Variants in MRPL13 observed in about 807,000 individuals in gnomAD.
MRPL13 encodes the protein mitochondrial ribosomal protein L13.
A neutral mutation model predicts 29.0 loss-of-function variants in MRPL13; 33 were observed. That is an observed-to-expected ratio of 1.14 (90% CI 0.86 to 1.52). MRPL13 has a LOEUF of 1.52. Ranked by LOEUF, MRPL13 falls within the 40% of genes most tolerant of loss-of-function variation. The pLI, the probability that MRPL13 is intolerant of heterozygous loss-of-function variation, is 0.00. For synonymous variants in MRPL13, 77 were observed against 68.4 expected (o/e 1.13, Z -0.62); for missense variants, 227 against 216.7 (o/e 1.05, Z -0.30).
At chr8:120,423,225 T>C (rs753932530) in intron 4 of MRPL13, among the ~76,000 whole-genome samples, 1 of 151,740 alleles carries the variant, frequency 6.6e-6, no homozygotes, top group Non-Finnish European at 1.5e-5. Context: ...AAGAAATTAC[T>C]GAGAATGCCC....
At chr8:120,438,650 A>G (rs527899379) in intron 2 of MRPL13, among the ~76,000 whole-genome samples, 6 of 152,346 alleles carry the variant, frequency 3.9e-5, no homozygotes, top group South Asian at 2.1e-4. Flanking sequence ...TGCTGATACC[A>G]TTGCTAAGGA....
chr8:120,410,794 T>C (rs886068253), intron 6 of MRPL13, among the ~76,000 whole-genome samples: 2 of 151,964 alleles, frequency 1.3e-5, no homozygotes, highest in South Asian at 4.2e-4. Context: ...CTCTCTTTTT[T>C]TTTTGAGATG....
chr8:120,425,312 T>G lies in MRPL13; in HGVS notation c.300A>C (p.Pro100=), dbSNP rs758512671. 5 of 1,611,838 alleles carry G rather than the reference T, an allele frequency of 3.1e-6. No homozygotes were observed. The highest frequency in any genetic ancestry group is 2.5e-6 in the Non-Finnish European group (3 of 1,178,416). The part of the protein sequence containing the change: ...VTAAQLHLRD[P]VAIVKLAIYG... ...AAAAATACAAGAAACTTACTGCCAC[T>G]GGATCCCTCAGGTGAAGCTGAGCAG... is the stretch of plus-strand genomic sequence containing the variant. The change falls in exon 4 of 7, where the codon CCA becomes CCC. Residue 100 remains proline, a synonymous_variant. Coordinates refer to ENST00000306185, the MANE Select transcript of MRPL13 (RefSeq NM_014078.6).
At chr8:120,406,346 A>G (rs1563771061) in intron 6 of MRPL13, among the ~76,000 whole-genome samples, 1 of 152,210 alleles carries the variant, frequency 6.6e-6, no homozygotes. Context: ...GATTTAAGTA[A>G]GGAGCAAAAC....
chr8:120,443,162 G>T, intron 2 of MRPL13, 23 bp downstream of exon 2: 1 of 1,495,904 alleles, frequency 6.7e-7, no homozygotes, highest in South Asian at 1.4e-5. Flanking sequence ...AGTGGTTAAT[G>T]ACAGGTCTAA....
chr8:120,413,926 A>C, intron 6 of MRPL13, 65 bp downstream of exon 6: 1 of 1,419,182 alleles, frequency 7.0e-7, no homozygotes, highest in Non-Finnish European at 9.2e-7. Flanking sequence ...ATCTTATTTA[A>C]TCATATGGTT....
At chr8:120,429,486 T>A in intron 3 of MRPL13, among the ~76,000 whole-genome samples, 1 of 145,792 alleles carries the variant, frequency 6.9e-6, no homozygotes, top group South Asian at 2.1e-4. Flanking sequence ...TAACTGAACT[T>A]AAAAGTTAAA....
chr8:120,416,286 A>G (rs1812802391), intron 5 of MRPL13, among the ~76,000 whole-genome samples: 1 of 152,110 alleles, frequency 6.6e-6, no homozygotes, highest in African/African-American at 2.4e-5. Context: ...CGAGGTCAGG[A>G]GATCGAGACC....
chr8:120,441,672 C>T (rs1030264507), intron 2 of MRPL13, among the ~76,000 whole-genome samples: 1 of 152,052 alleles, frequency 6.6e-6, no homozygotes. Flanking sequence ...TAGGTTGCAT[C>T]CTGGTTCAAA....
chr8:120,429,539 CAGCCCCTTATAAA>C (rs1812974951), intron 3 of MRPL13, among the ~76,000 whole-genome samples: 1 of 150,462 alleles, frequency 6.6e-6, no homozygotes, highest in African/African-American at 2.4e-5. Context: ...AGATGTTTAT[CAGCCCCTTATAAA>C]AGCCAAAATT....
intron 2 of MRPL13, among the ~76,000 whole-genome samples, chr8:120,441,305 T>C (rs1254368716): frequency 6.6e-6 from 1 of 152,088 alleles, no homozygotes; most frequent in Non-Finnish European, 1.5e-5. Context: ...AAACTGGAGA[T>C]TTAAATTTGG....
intron 3 of MRPL13, among the ~76,000 whole-genome samples, chr8:120,431,200 C>T (rs1812992112): frequency 6.6e-6 from 1 of 152,052 alleles, no homozygotes; most frequent in African/African-American, 2.4e-5. Context: ...GGCGAAGATG[C>T]AGTTGGAAAT....
At chr8:120,428,845 A>C (rs1310862957) in intron 3 of MRPL13, among the ~76,000 whole-genome samples, 3 of 152,118 alleles carry the variant, frequency 2.0e-5, no homozygotes, top group Admixed American at 6.5e-5. Context: ...AGATGCTGGC[A>C]AGGCTGTAGA....
At chr8:120,407,097 A>G (rs1398130436) in intron 6 of MRPL13, among the ~76,000 whole-genome samples, 2 of 152,198 alleles carry the variant, frequency 1.3e-5, no homozygotes, top group Admixed American at 1.3e-4. Context: ...CCTGCTACTC[A>G]TTAGATGAAA....
At chr8:120,403,877 A>C (rs957272553) in intron 6 of MRPL13, among the ~76,000 whole-genome samples, 7 of 152,164 alleles carry the variant, frequency 4.6e-5, no homozygotes, top group African/African-American at 1.7e-4. Flanking sequence ...TAAATTGTTT[A>C]TTATTAAACT....
intron 1 of MRPL13, among the ~76,000 whole-genome samples, chr8:120,444,668 G>C (rs1463288634): frequency 6.6e-6 from 1 of 152,092 alleles, no homozygotes; most frequent in Non-Finnish European, 1.5e-5. Flanking sequence ...CCAGCAGCCA[G>C]AGTGCTCCTT....
intron 6 of MRPL13, among the ~76,000 whole-genome samples, chr8:120,402,458 C>T (rs1812609296): frequency 6.6e-6 from 1 of 152,288 alleles, no homozygotes; most frequent in Non-Finnish European, 1.5e-5. Context: ...ATGTGGAAAA[C>T]TGAAACTGGA....
intron 5 of MRPL13, chr8:120,419,559 C>A: frequency 5.5e-6 from 1 of 182,384 alleles, no homozygotes; most frequent in Non-Finnish European, 1.1e-5. Flanking sequence ...CAACAAGTAC[C>A]TCAATTTAAC....
intron 1 of MRPL13, 132 bp downstream of exon 1, chr8:120,444,936 T>C: frequency 8.3e-7 from 1 of 1,198,640 alleles, no homozygotes. Flanking sequence ...CTCTTGTGCT[T>C]TCCCAAGTCA....
Sources: allele counts gnomAD v4.1 joint callset (sites outside exome capture counted in the v4.1 genomes callset), GRCh38; gene constraint gnomAD v4.1.1; transcripts MANE v1.5; gene names NCBI Gene and HGNC (gene_info 2026-07-23, HGNC 2026-07-21).